CSMD1: variants seen among roughly 807,000 people sequenced by gnomAD.
The protein encoded by CSMD1 is CUB and sushi domain-containing protein 1.
Under a neutral mutation model 417.5 loss-of-function variants are expected in CSMD1, and 213 were observed. The observed-to-expected ratio is 0.51, with a 90% CI of 0.46 to 0.57. CSMD1 has a LOEUF of 0.57. Among genes scored for constraint, CSMD1 ranks in the 20% least tolerant of loss-of-function variants. CSMD1 has a pLI of 0.00. For synonymous variants in CSMD1, 2,862 were observed against 1,736.8 expected (o/e 1.65, Z -16.11); for missense variants, 6,923 against 4,529.7 (o/e 1.53, Z -15.17).
intron 3 of CSMD1, among the ~76,000 whole-genome samples, chr8:4,207,339 T>G (rs1800038966): frequency 6.6e-6 from 1 of 152,190 alleles, no homozygotes; most frequent in African/African-American, 2.4e-5. Flanking sequence ...CGTAATTATC[T>G]GACTAGCAAC....
intron 5 of CSMD1, among the ~76,000 whole-genome samples, chr8:3,827,625 T>A (rs1802130544): frequency 6.6e-6 from 1 of 152,212 alleles, no homozygotes; most frequent in Admixed American, 6.5e-5. Context: ...GGAACTAATC[T>A]TTCTATAAAA....
intron 5 of CSMD1, among the ~76,000 whole-genome samples, chr8:3,993,523 T>C (rs1814920478): frequency 6.6e-6 from 1 of 152,202 alleles, no homozygotes; most frequent in Non-Finnish European, 1.5e-5. Context: ...CCAATTAGAT[T>C]GACTTAATAG....
intron 10 of CSMD1, among the ~76,000 whole-genome samples, chr8:3,548,659 T>C (rs112125856): frequency 1.3e-3 from 172 of 133,102 alleles, no homozygotes; most frequent in African/African-American, 4.3e-3. Flanking sequence ...TATTCCATCA[T>C]ACACACACAC....
chr8:3,296,457 GTTTTAAGGATGATACACCGATGCGGGA>G (rs1268640734), intron 25 of CSMD1, among the ~76,000 whole-genome samples: 2 of 152,098 alleles, frequency 1.3e-5, no homozygotes, highest in Admixed American at 6.5e-5. Context: ...TTTGTAGGCT[GTTTTAAGGATGATACACCGATGCGGGA>G]TTTTAAGGAT....
At chr8:4,016,876 T>G (rs562892954) in intron 4 of CSMD1, among the ~76,000 whole-genome samples, 2 of 152,218 alleles carry the variant, frequency 1.3e-5, no homozygotes, top group Non-Finnish European at 2.9e-5. Flanking sequence ...TAGTTGGGTA[T>G]GGTTCACAAT....
intron 5 of CSMD1, among the ~76,000 whole-genome samples, chr8:3,949,366 A>G (rs2129855430): frequency 6.6e-6 from 1 of 152,314 alleles, no homozygotes; most frequent in African/African-American, 2.4e-5. Flanking sequence ...TCAATCTCAC[A>G]GTCCCTGGAA....
At chr8:4,459,346 C>T (rs778552658) in intron 2 of CSMD1, among the ~76,000 whole-genome samples, 1 of 152,208 alleles carries the variant, frequency 6.6e-6, no homozygotes, top group South Asian at 2.1e-4. Flanking sequence ...GACAATCAAG[C>T]TCTCACCTCA....
intron 36 of CSMD1, among the ~76,000 whole-genome samples, chr8:3,186,102 T>C (rs1380754197): frequency 2.6e-5 from 4 of 152,194 alleles, no homozygotes; most frequent in African/African-American, 9.6e-5. Flanking sequence ...TAATGCTGTC[T>C]ATTTACCAAA....
At chr8:4,422,853 G>T (rs1380417454) in intron 2 of CSMD1, among the ~76,000 whole-genome samples, 2 of 151,996 alleles carry the variant, frequency 1.3e-5, no homozygotes, top group Non-Finnish European at 2.9e-5. Flanking sequence ...TTTATTAGAG[G>T]AATGTTAGAA....
At chr8:4,909,013 A>C (rs1338932456) in intron 1 of CSMD1, among the ~76,000 whole-genome samples, 1 of 152,174 alleles carries the variant, frequency 6.6e-6, no homozygotes, top group Non-Finnish European at 1.5e-5. Flanking sequence ...AAAGGCTGAC[A>C]TGTATTGGTT....
At chr8:4,909,845 C>A (rs1190319165) in intron 1 of CSMD1, among the ~76,000 whole-genome samples, 1 of 152,216 alleles carries the variant, frequency 6.6e-6, no homozygotes, top group Admixed American at 6.5e-5. Context: ...ACTGCAACCT[C>A]AGTTCTCTGA....
chr8:3,679,735 C>T (rs988382895), intron 7 of CSMD1, among the ~76,000 whole-genome samples: 9 of 152,154 alleles, frequency 5.9e-5, no homozygotes, highest in African/African-American at 2.2e-4. Flanking sequence ...AATATACATT[C>T]TTCTCAGCAT....
At chr8:3,634,326 C>T (rs1165675656) in intron 7 of CSMD1, among the ~76,000 whole-genome samples, 2 of 152,184 alleles carry the variant, frequency 1.3e-5, no homozygotes, top group Admixed American at 6.5e-5. Context: ...TGTGGGTGGA[C>T]AGCATGCCTG....
chr8:3,441,397 T>C (rs950430579), intron 12 of CSMD1, among the ~76,000 whole-genome samples: 15 of 152,226 alleles, frequency 9.9e-5, no homozygotes, highest in Middle Eastern at 6.8e-3. Context: ...TTCTTCTTTA[T>C]CCTGTTAATT....
chr8:3,658,384 A>G (rs1053353535), intron 7 of CSMD1, among the ~76,000 whole-genome samples: 1 of 151,056 alleles, frequency 6.6e-6, no homozygotes, highest in African/African-American at 2.4e-5. Flanking sequence ...TTTTATTTGT[A>G]AATCATCCCA....
chr8:3,961,342 G>A (rs532359278), intron 5 of CSMD1, among the ~76,000 whole-genome samples: 5 of 152,210 alleles, frequency 3.3e-5, no homozygotes, highest in South Asian at 4.1e-4. Context: ...ATTTTTAACC[G>A]GGTAAGCCAC....
At chr8:3,466,951 A>G (rs1427692932) in intron 12 of CSMD1, among the ~76,000 whole-genome samples, 1 of 152,056 alleles carries the variant, frequency 6.6e-6, no homozygotes, top group Admixed American at 6.5e-5. Context: ...GGTTTTAATT[A>G]CCTTTTTGCC....
chr8:4,663,378 C>G (rs1804725451), intron 1 of CSMD1, among the ~76,000 whole-genome samples: 1 of 152,152 alleles, frequency 6.6e-6, no homozygotes, highest in Admixed American at 6.5e-5. Flanking sequence ...CTCTAAGGGA[C>G]TCTTTGGAAG....
intron 2 of CSMD1, among the ~76,000 whole-genome samples, chr8:4,596,298 C>T (rs1422897238): frequency 6.6e-6 from 1 of 152,006 alleles, no homozygotes; most frequent in African/African-American, 2.4e-5. Context: ...GATGCTTAAC[C>T]CAAGCTTCAA....
Sources: gnomAD v4.1 joint callset for allele counts (sites outside exome capture counted in the v4.1 genomes callset) on GRCh38, gnomAD v4.1.1 for gene constraint, MANE v1.5 for transcripts, NCBI Gene and HGNC (gene_info 2026-07-23, HGNC 2026-07-21) for gene names.